The following XKR7 variants were observed in gnomAD, a reference collection of about 807,000 sequenced individuals.
XKR7 encodes XK related 7.
XKR7 carries 11 observed loss-of-function variants against 42.2 expected under a neutral mutation model. That is an observed-to-expected ratio of 0.26 (90% CI 0.16 to 0.43). The LOEUF (loss-of-function observed/expected upper bound fraction) is 0.43, where lower values mean the gene tolerates loss of function less well. XKR7 is among the 20% of genes least tolerant of loss of function. The pLI is 1.00. For synonymous variants in XKR7, 346 were observed against 366.4 expected (o/e 0.94, Z 0.64); for missense variants, 710 against 802.2 (o/e 0.89, Z 1.39).
intron 1 of XKR7, among the ~76,000 whole-genome samples, chr20:31,974,931 C>T (rs2122251521): frequency 6.6e-6 from 1 of 152,200 alleles, no homozygotes; most frequent in African/African-American, 2.4e-5. Context: ...CTGCCTCCTC[C>T]CCTTGCCCAT....
At chr20:31,985,359 C>T (rs1053681607) in intron 1 of XKR7, among the ~76,000 whole-genome samples, 1 of 152,012 alleles carries the variant, frequency 6.6e-6, no homozygotes, top group Non-Finnish European at 1.5e-5. Flanking sequence ...AACACACACT[C>T]GGAAATGCTG....
Position 31,968,845 on chromosome 20 carries a change from T to C in XKR7, c.584+86T>C. The stretch of plus-strand genomic sequence containing the variant: ...TGACGTCCCAGCCCTGATCTGACCT[T>C]TCCGGGCTACCCTCCTGTCCTGACC... On this transcript the variant is annotated intron_variant, in intron 1 of 2. Transcript: ENST00000562532. The surrounding 1 kb of genome is among the most constrained non-coding windows in gnomAD (Gnocchi z 4.5). 1.4e-6 allele frequency: 2 copies of C among 1,428,580 alleles called. No homozygotes were observed. Among genetic ancestry groups the C allele is most frequent in the Non-Finnish European group, 1.8e-6 (2 of 1,094,504 alleles). 88.5% of individuals were successfully genotyped at this position (1,428,580 alleles called of 1,614,324 possible).
At chr20:31,989,280 C>A (rs542447706) in intron 1 of XKR7, among the ~76,000 whole-genome samples, 2 of 118,662 alleles carry the variant, frequency 1.7e-5, no homozygotes, top group African/African-American at 6.7e-5. Context: ...AGGACACCCC[C>A]CCCCCAGCGC....
intron 1 of XKR7, among the ~76,000 whole-genome samples, chr20:31,980,901 A>C (rs1212875191): frequency 3.3e-5 from 5 of 151,970 alleles, no homozygotes; most frequent in African/African-American, 4.8e-5. Flanking sequence ...ATCTCTACTA[A>C]AAATTTAAAA....
intron 1 of XKR7, among the ~76,000 whole-genome samples, chr20:31,991,100 T>G (rs1600661834): frequency 1.3e-5 from 2 of 151,846 alleles, no homozygotes; most frequent in African/African-American, 4.8e-5. Flanking sequence ...GGGGCAGGAG[T>G]GGGCAGGGAG....
At chr20:31,990,233 G>A (rs1055530932) in intron 1 of XKR7, among the ~76,000 whole-genome samples, 1 of 151,514 alleles carries the variant, frequency 6.6e-6, no homozygotes, top group African/African-American at 2.4e-5. Context: ...GACTCACTGT[G>A]TTGCCCAGAC....
chr20:31,979,768 C>G (rs1262059421), intron 1 of XKR7, among the ~76,000 whole-genome samples: 3 of 152,146 alleles, frequency 2.0e-5, no homozygotes, highest in African/African-American at 4.8e-5. Flanking sequence ...ACCCCCTCCC[C>G]CACTGGCTTA....
intron 2 of XKR7, 125 bp from the exon 3 acceptor site, chr20:31,996,380 C>A: frequency 1.5e-6 from 1 of 665,120 alleles, no homozygotes; most frequent in Non-Finnish European, 2.4e-6. Context: ...CCTGCTGATC[C>A]ACAGCTCCTT....
In XKR7 at chr20:31,998,180, G is replaced by A. The variant is rs985120835; in HGVS notation, c.*723G>A. On this transcript the variant is annotated 3_prime_UTR_variant, in exon 3 of 3. Coordinates refer to ENST00000562532, the MANE Select transcript of XKR7 (RefSeq NM_001011718.2). ...ATAGCGAACAAGAATGAACTCCTTA[G>A]GAGACGTCTCTTGTTGTGTTGTGGG... The A allele has an allele frequency of 6.6e-6, 1 of 152,124 alleles. No homozygotes were observed. Among genetic ancestry groups the A allele is most frequent in the African/African-American group, 2.4e-5 (1 of 41,368 alleles). 9.4% of individuals were successfully genotyped at this position (152,124 alleles called of 1,614,324 possible).
At chr20:31,982,519 CA>C (rs558720693) in intron 1 of XKR7, among the ~76,000 whole-genome samples, 2,634 of 63,076 alleles carry the variant, frequency 0.042, 36 homozygotes, top group African/African-American at 0.1. Flanking sequence ...GACTCTGTCT[CA>C]AAAAAAAAAA....
intron 1 of XKR7, among the ~76,000 whole-genome samples, chr20:31,988,521 T>G (rs945509122): frequency 2.0e-5 from 3 of 152,202 alleles, no homozygotes; most frequent in Non-Finnish European, 4.4e-5. Flanking sequence ...ACTTTTGAGA[T>G]GTACACTCAT....
chr20:31,989,936 A>G (rs887787396), intron 1 of XKR7, among the ~76,000 whole-genome samples: 4 of 152,168 alleles, frequency 2.6e-5, no homozygotes, highest in Admixed American at 6.5e-5. Context: ...GGAGAAGATC[A>G]GATGTACACC....
chr20:31,974,351 T>C (rs1412465657), intron 1 of XKR7, among the ~76,000 whole-genome samples: 1 of 152,168 alleles, frequency 6.6e-6, no homozygotes, highest in Non-Finnish European at 1.5e-5. Flanking sequence ...GCTGAGCTAA[T>C]GCGACCTCTT....
chr20:31,993,530 CT>C (rs1253783418), intron 1 of XKR7, among the ~76,000 whole-genome samples: 3 of 152,276 alleles, frequency 2.0e-5, no homozygotes, highest in East Asian at 3.9e-4. Context: ...TCTATACCCC[CT>C]ATAGGGTTAC....
Position 31,996,713 on chromosome 20 carries a change from C to T in XKR7, c.996C>T (p.Ile332=). 1 of 1,612,600 alleles carries T rather than the reference C, an allele frequency of 6.2e-7. No individual in the cohort carries two copies. Among genetic ancestry groups the T allele is most frequent in the Non-Finnish European group, 8.5e-7 (1 of 1,179,278 alleles). ...ACAAGCTCTATTTTGGCATCTTCAT[C>T]GTGGCCCACTGGTGCGTCATGACCT... The part of the protein sequence containing the change: ...SVYKLYFGIF[I]VAHWCVMTFW... The change falls in exon 3 of 3, where the codon ATC becomes ATT. Residue 332 remains isoleucine, a synonymous_variant. Transcript: ENST00000562532.
At chr20:31,992,788 G>A (rs1441897234) in intron 1 of XKR7, among the ~76,000 whole-genome samples, 1 of 152,114 alleles carries the variant, frequency 6.6e-6, no homozygotes, top group Non-Finnish European at 1.5e-5. Context: ...ACTCTGAAAG[G>A]ATCTCCAGAG....
At chr20:31,976,494 C>T (rs984085209) in intron 1 of XKR7, among the ~76,000 whole-genome samples, 2 of 152,136 alleles carry the variant, frequency 1.3e-5, no homozygotes, top group African/African-American at 4.8e-5. Flanking sequence ...AAGCGATTCT[C>T]CTGCCTCAGC....
intron 1 of XKR7, among the ~76,000 whole-genome samples, chr20:31,972,619 A>C (rs1243839345): frequency 1.3e-5 from 2 of 152,086 alleles, no homozygotes; most frequent in Non-Finnish European, 2.9e-5. Context: ...CCTAATCTTG[A>C]GCTCAGTGGG....
At chr20:31,978,650 G>A (rs997203679) in intron 1 of XKR7, among the ~76,000 whole-genome samples, 12 of 152,206 alleles carry the variant, frequency 7.9e-5, no homozygotes, top group African/African-American at 2.9e-4. Flanking sequence ...CGGTATGACT[G>A]AGGAACTAAA....
Sources: gnomAD v4.1 joint callset for allele counts (sites outside exome capture counted in the v4.1 genomes callset) on GRCh38, gnomAD v4.1.1 for gene constraint, Gnocchi (gnomAD v3.1) non-coding constraint, MANE v1.5 for transcripts, NCBI Gene and HGNC (gene_info 2026-07-23, HGNC 2026-07-21) for gene names.